Variants in RHOBTB1 observed in about 807,000 individuals in gnomAD.
RHOBTB1 encodes the protein rho-related BTB domain-containing protein 1.
Under a neutral mutation model 71.6 loss-of-function variants are expected in RHOBTB1, and 40 were observed. That is an observed-to-expected ratio of 0.56 (90% CI 0.43 to 0.73). RHOBTB1 has a LOEUF of 0.73. RHOBTB1 is among the 30% of genes least tolerant of loss of function. The pLI, the probability that RHOBTB1 is intolerant of heterozygous loss-of-function variation, is 0.00. For synonymous variants in RHOBTB1, 319 were observed against 334.9 expected (o/e 0.95, Z 0.52); for missense variants, 797 against 894.0 (o/e 0.89, Z 1.38).
chr10:60,966,156 A>G (rs968769850), intron 2 of RHOBTB1, among the ~76,000 whole-genome samples: 27 of 152,166 alleles, frequency 1.8e-4, no homozygotes, highest in African/African-American at 5.8e-4. Context: ...AGATGTTTGC[A>G]AAAATTCTAA....
At chr10:60,958,550 C>G (rs1175396962) in intron 2 of RHOBTB1, among the ~76,000 whole-genome samples, 3 of 152,064 alleles carry the variant, frequency 2.0e-5, no homozygotes, top group African/African-American at 7.2e-5. Flanking sequence ...TATCAACCAT[C>G]AACCACATCT....
In RHOBTB1 at chr10:60,871,570, C is replaced by T. The variant is rs15700; in HGVS notation, c.2003G>A (p.Arg668Lys). ...KEEDHYQRVK[R>K]EREKEDIALN... The stretch of plus-strand genomic sequence containing the variant: ...TGCAATATCTTCCTTCTCTCGTTCC[C>T]TTTTCACACGCTGGTAGTGATCTTC... The change falls in exon 11 of 11, where the codon AGG becomes AAG. Residue 668 changes from arginine (R) to lysine (K), a missense_variant. Arg to Lys is a conservative substitution (Grantham distance 26). Coordinates refer to ENST00000337910, the MANE Select transcript of RHOBTB1 (RefSeq NM_014836.5). 6.2e-7 allele frequency: 1 copy of T among 1,614,090 alleles called. No individual in the cohort carries two copies. The highest frequency in any genetic ancestry group is 8.5e-7 in the Non-Finnish European group (1 of 1,180,010).
intron 4 of RHOBTB1, among the ~76,000 whole-genome samples, chr10:60,908,407 T>C (rs933502291): frequency 4.6e-5 from 7 of 152,230 alleles, no homozygotes; most frequent in South Asian, 2.1e-4. Context: ...AGTTTATGTC[T>C]TGAGTACATC....
intron 2 of RHOBTB1, among the ~76,000 whole-genome samples, chr10:60,978,680 T>C (rs554593209): frequency 6.6e-6 from 1 of 152,260 alleles, no homozygotes; most frequent in East Asian, 1.9e-4. Flanking sequence ...CATCCAGAAA[T>C]GTCATTCGAG....
At chr10:60,988,555 T>C (rs73268018) in intron 1 of RHOBTB1, among the ~76,000 whole-genome samples, 7 of 152,028 alleles carry the variant, frequency 4.6e-5, no homozygotes, top group Non-Finnish European at 8.8e-5. Context: ...GAATATACAG[T>C]ATTTGGTTTA....
chr10:60,903,765 T>C (rs951998410), intron 4 of RHOBTB1, among the ~76,000 whole-genome samples: 1 of 152,152 alleles, frequency 6.6e-6, no homozygotes, highest in Non-Finnish European at 1.5e-5. Flanking sequence ...TGTGTGACAG[T>C]ATGACAGTGT....
intron 9 of RHOBTB1, among the ~76,000 whole-genome samples, chr10:60,873,609 G>T (rs558586856): frequency 4.6e-5 from 7 of 152,296 alleles, no homozygotes; most frequent in African/African-American, 1.7e-4. Context: ...TGAAATTCTG[G>T]ATCATTACAT....
intron 7 of RHOBTB1, among the ~76,000 whole-genome samples, chr10:60,880,890 C>T (rs372046288): frequency 1.3e-5 from 2 of 152,180 alleles, no homozygotes; most frequent in African/African-American, 2.4e-5. Flanking sequence ...GGTATCCATA[C>T]AAATTTGTTT....
At chr10:60,892,775 G>T in intron 5 of RHOBTB1, 35 bp downstream of exon 5, 2 of 1,577,166 alleles carry the variant, frequency 1.3e-6, no homozygotes, top group Non-Finnish European at 1.7e-6. Context: ...TTTTAACTTG[G>T]TCAGGACAGG....
At position 60,886,214 on chromosome 10, in the gene RHOBTB1, C is replaced by T; in HGVS notation, c.1473G>A (p.Leu491=). 6.2e-7 allele frequency: 1 copy of T among 1,613,910 alleles called. No individual in the cohort carries two copies. Among genetic ancestry groups the T allele is most frequent in the Non-Finnish European group, 8.5e-7 (1 of 1,179,836 alleles). ...KGTFSDVTFK[L]DDGAISAHKP... is the part of the protein sequence containing the mutation. ...TGTGGGCACTGATGGCTCCATCGTC[C>T]AATTTAAATGTCACGTCTGCCAAGG... Residue 491 remains leucine (L), a synonymous_variant, in exon 7 of 11, where the codon TTG becomes TTA. Coordinates refer to ENST00000337910, the MANE Select transcript of RHOBTB1 (RefSeq NM_014836.5).
chr10:60,973,967 A>G (rs916988861), intron 2 of RHOBTB1, among the ~76,000 whole-genome samples: 1 of 152,030 alleles, frequency 6.6e-6, no homozygotes, highest in African/African-American at 2.4e-5. Context: ...TGGAAGAATG[A>G]CCTTATTAAA....
chr10:60,870,191 C>T lies in RHOBTB1; in HGVS notation c.*1291G>A, dbSNP rs183491412. The T allele has an allele frequency of 4.6e-5, 7 of 152,742 alleles. No homozygotes were observed. In the East Asian group the frequency reaches 1.2e-3, roughly 25 times the overall value. 9.5% of individuals were successfully genotyped at this position (152,742 alleles called of 1,614,324 possible). A position where few individuals can be genotyped will look rare whatever the true frequency, so the allele number is the denominator to read the frequency against. Reference sequence around the variant, plus strand: ...TAATTTACAGAGAAGCAATGACTGACTGCCTCACGAAAGCTCCCCTGCTGT... The same window carrying T: ...TAATTTACAGAGAAGCAATGACTGATTGCCTCACGAAAGCTCCCCTGCTGT... On this transcript the variant is annotated 3_prime_UTR_variant, in exon 11 of 11. Transcript: ENST00000337910.
upstream of RHOBTB1, among the ~76,000 whole-genome samples, chr10:60,944,711 A>T (rs1013089987): frequency 6.6e-6 from 1 of 152,078 alleles, no homozygotes; most frequent in Non-Finnish European, 1.5e-5. Context: ...CCGAGGGAGG[A>T]CATTGGCTTT....
In RHOBTB1 at chr10:60,888,989, G is replaced by C; in HGVS notation, c.679C>G (p.Pro227Ala). Residue 227 changes from proline to alanine, a missense_variant, in exon 6 of 11, where the codon CCT becomes GCT. Coordinates refer to ENST00000337910, the MANE Select transcript of RHOBTB1 (RefSeq NM_014836.5). The stretch of plus-strand genomic sequence containing the variant: ...GGTAGGAAGGGTGCCTGAAGTAAAG[G>C]TTTCTGGACTTTCTTTAGGTGGGAT... ...WKSHLKKVQK[P>A]LLQAPFLPPK... 1 of 1,614,138 alleles carries C rather than the reference G, an allele frequency of 6.2e-7. No homozygotes were observed. Among genetic ancestry groups the C allele is most frequent in the Non-Finnish European group, 8.5e-7 (1 of 1,180,020 alleles).
rs1045277874 is a variant in RHOBTB1 at position 60,922,358 on chromosome 10, C to T, written c.-10-10806G>A. Reference sequence around the variant, plus strand: ...TCAAGGCAAGATGGCAATGAAGGCACTGATGCCTTGAACCCTCCTTTACCA... The same window carrying T: ...TCAAGGCAAGATGGCAATGAAGGCATTGATGCCTTGAACCCTCCTTTACCA... On this transcript the variant is annotated intron_variant, in intron 2 of 10. Transcript: ENST00000337910. Among the ~76,000 whole-genome samples the T allele has an allele frequency of 2.6e-5, 4 of 152,334 alleles. No individual in the cohort carries two copies. The South Asian group carries it at 8.3e-4, about 32-fold the overall frequency.
chr10:60,862,697 TTTCTC>T, the RHOBTB1 span, among the ~76,000 whole-genome samples: 6 of 150,120 alleles, frequency 4.0e-5, no homozygotes, highest in Admixed American at 6.6e-5. Context: ...TCCTCTTTCT[TTTCTC>T]TTTCTTTCCT....
intron 1 of RHOBTB1, among the ~76,000 whole-genome samples, chr10:60,994,965 T>C (rs1333170437): frequency 1.3e-5 from 2 of 151,616 alleles, no homozygotes; most frequent in African/African-American, 2.4e-5. Flanking sequence ...TAATGAAAGA[T>C]GCGGCTAAAA....
At chr10:60,945,461 C>T (rs535339489), upstream of RHOBTB1, among the ~76,000 whole-genome samples, 14 of 152,230 alleles carry the variant, frequency 9.2e-5, no homozygotes, top group East Asian at 9.7e-4. Flanking sequence ...GCTTATCCCC[C>T]CAAAAACAGG....
At chr10:60,936,825 T>A (rs2084612958) in intron 2 of RHOBTB1, among the ~76,000 whole-genome samples, 1 of 152,206 alleles carries the variant, frequency 6.6e-6, no homozygotes. Context: ...AATAAAAACT[T>A]ACATATAATC....
Sources: gnomAD v4.1 joint callset for allele counts (sites outside exome capture counted in the v4.1 genomes callset) on GRCh38, gnomAD v4.1.1 for gene constraint, MANE v1.5 for transcripts, NCBI Gene and HGNC (gene_info 2026-07-23, HGNC 2026-07-21) for gene names.